Variants in PHLPP2 observed in about 807,000 individuals in gnomAD.
PHLPP2 encodes PH domain and leucine rich repeat protein phosphatase 2.
PHLPP2 carries 66 observed loss-of-function variants against 124.9 expected under a neutral mutation model. The ratio of observed to expected loss-of-function variants is 0.53; its 90% CI spans 0.43 to 0.65. The LOEUF is 0.65. PHLPP2 is among the 30% of genes least tolerant of loss of function. The probability of loss-of-function intolerance (pLI) is 0.00; values close to 1 mark genes in which losing one functional copy is unlikely to be tolerated. For missense variants in PHLPP2, 1,685 were observed against 1,600.4 expected (o/e 1.05, Z -0.90); for synonymous variants, 681 against 624.7 (o/e 1.09, Z -1.34).
rs555406586 is a variant in PHLPP2 at position 71,696,647 on chromosome 16, C to CA, written c.419-5939dup. Among the ~76,000 whole-genome samples, 427 of 115,860 alleles carry CA rather than the reference C, an allele frequency of 3.7e-3. 3 individuals carry two copies. Among genetic ancestry groups the CA allele is most frequent in the South Asian group, 8.8e-3 (32 of 3,624 alleles). 76.0% of individuals were successfully genotyped at this position (115,860 alleles called of 152,430 possible). On this transcript the variant is annotated intron_variant, in intron 3 of 18. Coordinates refer to ENST00000568954, the MANE Select transcript of PHLPP2 (RefSeq NM_015020.3). ...CCTGGGCCACAGTGAGACTCCATCT[C>CA]AAAAAAAAAAAAAAAAATTCTACTT...
chr16:71,685,519 G>T (rs926667595), intron 4 of PHLPP2, among the ~76,000 whole-genome samples: 1 of 151,876 alleles, frequency 6.6e-6, no homozygotes, highest in African/African-American at 2.4e-5. Context: ...TGAACCAAGC[G>T]GCAGAAACAA....
intron 6 of PHLPP2, among the ~76,000 whole-genome samples, chr16:71,680,022 G>A (rs1597001305): frequency 6.6e-6 from 1 of 151,880 alleles, no homozygotes; most frequent in South Asian, 2.1e-4. Context: ...GGCGGAGCTT[G>A]CAGTGAGCCG....
intron 5 of PHLPP2, among the ~76,000 whole-genome samples, chr16:71,683,652 T>A (rs2045024913): frequency 6.6e-6 from 1 of 152,206 alleles, no homozygotes; most frequent in African/African-American, 2.4e-5. Context: ...TTGACAGCAT[T>A]TTGTACTATG....
chr16:71,649,569 G>A lies in PHLPP2; in HGVS notation c.3293C>T (p.Ser1098Phe), dbSNP rs1281678756. The A allele has an allele frequency of 6.2e-7, 1 of 1,614,176 alleles. No individual in the cohort carries two copies. Residue 1098 changes from serine (S) to phenylalanine (F), a missense_variant, in exon 19 of 19, where the codon TCT (serine) becomes TTT (phenylalanine). Coordinates refer to ENST00000568954, the MANE Select transcript of PHLPP2 (RefSeq NM_015020.3). The stretch of plus-strand genomic sequence containing the variant: ...CAGGCCCCCAGCATTATGCTCATCA[G>A]AAGCAGTGGACCCCACTTCACTGCT... ...EVSSEVGSTA[S>F]DEHNAGGLDT...
intron 3 of PHLPP2, among the ~76,000 whole-genome samples, chr16:71,701,308 C>A (rs201590047): frequency 2.8e-5 from 2 of 70,554 alleles, no homozygotes; most frequent in Non-Finnish European, 2.7e-5. Context: ...ATCTATCTAT[C>A]TATCTATATA....
chr16:71,723,275 C>G (rs938674314), intron 1 of PHLPP2: 2 of 152,476 alleles, frequency 1.3e-5, no homozygotes. Context: ...GGCCCCGAAC[C>G]CTCCGCGGCG....
At chr16:71,681,172 T>C (rs113795828) in intron 6 of PHLPP2, among the ~76,000 whole-genome samples, 4 of 152,316 alleles carry the variant, frequency 2.6e-5, no homozygotes, top group African/African-American at 9.6e-5. Flanking sequence ...ACATATTTAT[T>C]CACTGCGTCC....
chr16:71,693,696 G>T (rs577628399), intron 3 of PHLPP2, among the ~76,000 whole-genome samples: 46 of 152,304 alleles, frequency 3.0e-4, no homozygotes, highest in African/African-American at 9.4e-4. Context: ...TGTGATTCAT[G>T]AACATGCAAT....
intron 1 of PHLPP2, among the ~76,000 whole-genome samples, chr16:71,720,287 A>G (rs2045390479): frequency 6.6e-6 from 1 of 150,482 alleles, no homozygotes. Flanking sequence ...CTAATTTTTA[A>G]AAATATTTTT....
chr16:71,647,079 CCT>C lies in PHLPP2; in HGVS notation c.*1809_*1810del, dbSNP rs2044658808. On this transcript the variant is annotated 3_prime_UTR_variant, in exon 19 of 19. Transcript: ENST00000568954. ...ACACGAAAATATATTTATATTTAAC[CCT>C]CTCTTTAACATAGTTTCTGATGAAA... is the stretch of plus-strand genomic sequence containing the variant. The C allele has an allele frequency of 6.6e-6, 1 of 152,482 alleles. No individual in the cohort carries two copies. Among genetic ancestry groups the C allele is most frequent in the Non-Finnish European group, 1.5e-5 (1 of 68,036 alleles). The allele number at this position is 152,482 out of a possible 1,614,324, so 9.4% of individuals were successfully genotyped here. A position where few individuals can be genotyped will look rare whatever the true frequency, so the allele number is the denominator to read the frequency against.
In PHLPP2 at chr16:71,646,648, T is replaced by G. The variant is rs1391244386; in HGVS notation, c.*2242A>C. On this transcript the variant is annotated 3_prime_UTR_variant, in exon 19 of 19. Transcript: ENST00000568954. ...CGAAGGTTCTGCCATCTAAGTAAGA[T>G]GTTTTACATCACTCATCACTATCAT... 6.6e-6 allele frequency: 1 copy of G among 151,700 alleles called. No individual in the cohort carries two copies. The highest frequency in any genetic ancestry group is 2.4e-5 in the African/African-American group (1 of 41,312). 9.4% of individuals were successfully genotyped at this position (151,700 alleles called of 1,614,324 possible).
intron 2 of PHLPP2, 116 bp downstream of exon 2, chr16:71,714,396 G>A: frequency 7.6e-7 from 1 of 1,320,390 alleles, no homozygotes; most frequent in Non-Finnish European, 9.9e-7. Flanking sequence ...GAAGCCCAGT[G>A]AGTCCGTAAT....
intron 3 of PHLPP2, among the ~76,000 whole-genome samples, chr16:71,695,262 A>G (rs1473064489): frequency 6.6e-6 from 1 of 152,204 alleles, no homozygotes; most frequent in Admixed American, 6.5e-5. Context: ...CTTAGAGATC[A>G]CTCTGAAGGA....
Position 71,650,825 on chromosome 16 carries a change from CTG to C in PHLPP2, c.2818-783_2818-782del, listed in dbSNP as rs969736581. 3.5e-4 allele frequency among the ~76,000 whole-genome samples: 53 copies of C among 152,222 alleles called. 1 individual carries two copies. Among genetic ancestry groups the C allele is most frequent in the African/African-American group, 1.2e-3 (49 of 41,450 alleles). On this transcript the variant is annotated intron_variant, in intron 18 of 18. Coordinates refer to ENST00000568954, the MANE Select transcript of PHLPP2 (RefSeq NM_015020.3). The stretch of plus-strand genomic sequence containing the variant: ...GCCAGAATTTGTCATAAACTCTAAA[CTG>C]TACTTTCTTCATCTGTAAAATGAAA...
At chr16:71,684,952 C>A (rs2045039784) in intron 4 of PHLPP2, among the ~76,000 whole-genome samples, 1 of 152,186 alleles carries the variant, frequency 6.6e-6, no homozygotes, top group African/African-American at 2.4e-5. Context: ...AATCTCTTTA[C>A]TAGGCTTGAG....
intron 3 of PHLPP2, among the ~76,000 whole-genome samples, chr16:71,699,952 T>C (rs2045212933): frequency 6.6e-6 from 1 of 152,200 alleles, no homozygotes; most frequent in Non-Finnish European, 1.5e-5. Context: ...ACACGGTTTG[T>C]TCCCACCAGC....
intron 3 of PHLPP2, 39 bp from the exon 4 acceptor site, chr16:71,690,748 T>A: frequency 7.2e-7 from 1 of 1,381,252 alleles, no homozygotes; most frequent in Non-Finnish European, 1.0e-6. Context: ...ACCATTAAAG[T>A]AGTGTAAGAA....
intron 7 of PHLPP2, 121 bp downstream of exon 7, chr16:71,679,268 G>A: frequency 1.1e-6 from 1 of 872,910 alleles, no homozygotes; most frequent in South Asian, 1.6e-5. Flanking sequence ...CTGCTGACTA[G>A]AATCCTAAGT....
chr16:71,698,501 G>A (rs553052589), intron 3 of PHLPP2: 108 of 744,396 alleles, frequency 1.5e-4, no homozygotes, highest in Non-Finnish European at 2.2e-4. Context: ...AAGGCACCTC[G>A]CATACCTGTT....
Sources: gnomAD v4.1 joint callset for allele counts (sites outside exome capture counted in the v4.1 genomes callset) on GRCh38, gnomAD v4.1.1 for gene constraint, MANE v1.5 for transcripts, NCBI Gene and HGNC (gene_info 2026-07-23, HGNC 2026-07-21) for gene names.